PUM2: variants seen among roughly 807,000 people sequenced by gnomAD.
The protein encoded by PUM2 is pumilio homolog 2.
PUM2 carries 57 observed loss-of-function variants against 124.5 expected under a neutral mutation model. The observed-to-expected ratio is 0.46, with a 90% confidence interval of 0.37 to 0.57. The LOEUF is 0.57. Among genes scored for constraint, PUM2 ranks in the 20% least tolerant of loss-of-function variants. The pLI is 0.00. For missense variants in PUM2, 1,065 were observed against 1,290.6 expected, an observed-to-expected ratio of 0.83 and a Z score of 2.68; for synonymous variants, 460 against 446.1, an observed-to-expected ratio of 1.03 and a Z score of -0.39.
At chr2:20,258,426 A>G (rs956794470) in intron 15 of PUM2, 55 bp from the exon 16 acceptor site, 4 of 1,563,282 alleles carry the variant, frequency 2.6e-6, no homozygotes, top group Admixed American at 3.4e-5. Flanking sequence ...GCTTTGTTGA[A>G]CTTGAGTAAG....
intron 13 of PUM2, among the ~76,000 whole-genome samples, chr2:20,267,877 G>T (rs991013833): frequency 7.2e-5 from 11 of 152,274 alleles, no homozygotes; most frequent in African/African-American, 2.6e-4. Flanking sequence ...ACCCACACAA[G>T]AAACCAAAAA....
chr2:20,258,682 A>T, intron 15 of PUM2, among the ~76,000 whole-genome samples: 1 of 110,716 alleles, frequency 9.0e-6, no homozygotes, highest in Non-Finnish European at 1.7e-5. Flanking sequence ...TTTTGTTGAG[A>T]CGGAGTCTCG....
Position 20,281,573 on chromosome 2 carries a change from A to G in PUM2, c.1720+1374T>C, listed in dbSNP as rs549086006. 1.2e-4 allele frequency among the ~76,000 whole-genome samples: 19 copies of G among 152,292 alleles called. No homozygotes were observed. The South Asian group carries it at 3.9e-3, about 32-fold the overall frequency. On this transcript the variant is annotated intron_variant, in intron 12 of 20. Transcript: ENST00000361078. ...ACTTGTTCTTCCAGTTTTCCTCAGA[A>G]TATTTAGGATTCTTTGGAGAAAATG...
intron 1 of PUM2, among the ~76,000 whole-genome samples, chr2:20,329,716 A>T (rs1684495132): frequency 6.6e-6 from 1 of 152,186 alleles, no homozygotes; most frequent in South Asian, 2.1e-4. Context: ...CCATTTCTAC[A>T]GCTGGGCTTG....
chr2:20,350,532 A>G, intron 1 of PUM2, 65 bp downstream of exon 1: 1 of 985,546 alleles, frequency 1.0e-6, no homozygotes, highest in Non-Finnish European at 1.2e-6. Flanking sequence ...CGCCGCACAA[A>G]GCCTGGGGAG....
chr2:20,266,859 T>C (rs942358896), intron 13 of PUM2, among the ~76,000 whole-genome samples: 2 of 152,120 alleles, frequency 1.3e-5, no homozygotes, highest in African/African-American at 2.4e-5. Context: ...CTTATAAAGG[T>C]AATCAGTGTG....
chr2:20,338,088 C>T (rs1039851195), intron 1 of PUM2, among the ~76,000 whole-genome samples: 2 of 152,166 alleles, frequency 1.3e-5, no homozygotes, highest in Non-Finnish European at 2.9e-5. Flanking sequence ...AGCCATCACT[C>T]AAGCTAATGC....
intron 1 of PUM2, among the ~76,000 whole-genome samples, chr2:20,346,110 A>G (rs760065303): frequency 6.6e-6 from 1 of 152,194 alleles, no homozygotes; most frequent in Non-Finnish European, 1.5e-5. Context: ...AAAAAAAGTA[A>G]TAAATTACAC....
intron 14 of PUM2, among the ~76,000 whole-genome samples, chr2:20,261,323 G>A (rs1360355648): frequency 6.8e-6 from 1 of 146,976 alleles, no homozygotes; most frequent in Admixed American, 6.9e-5. Flanking sequence ...CCCAGGAGGC[G>A]GAGGAGGTTG....
rs757001180 is a variant in PUM2 at position 20,278,773 on chromosome 2, A to G, written c.1767T>C (p.Ser589=). The change falls in exon 13 of 21, where the codon TCT becomes TCC. Residue 589 remains serine (S), a synonymous_variant. Coordinates refer to ENST00000361078, the MANE Select transcript of PUM2 (RefSeq NM_015317.5). The part of the protein sequence containing the change: ...SSSATRRESL[S]TSSDLYKRSS... ...ATCTTTTGTACAAGTCAGAGCTAGTAGATAGAGACTCTCTCCTTGTGGCAC... is the reference window on the plus strand; with the variant it reads ...ATCTTTTGTACAAGTCAGAGCTAGTGGATAGAGACTCTCTCCTTGTGGCAC... 1 of 1,613,662 alleles carries G rather than the reference A, an allele frequency of 6.2e-7. No individual in the cohort carries two copies. The highest frequency in any genetic ancestry group is 8.5e-7 in the Non-Finnish European group (1 of 1,179,692).
intron 4 of PUM2, among the ~76,000 whole-genome samples, chr2:20,311,895 A>C (rs1397712610): frequency 2.0e-5 from 3 of 152,178 alleles, no homozygotes; most frequent in South Asian, 4.1e-4. Flanking sequence ...AAAGCAGTTA[A>C]CACCACAAAC....
At chr2:20,312,151 A>G in intron 4 of PUM2, 85 bp downstream of exon 4, 1 of 1,298,348 alleles carries the variant, frequency 7.7e-7, no homozygotes, top group Non-Finnish European at 1.0e-6. Context: ...AGGGCACAGA[A>G]AAACAAATTG....
At chr2:20,255,116 T>A (rs893742200) in intron 18 of PUM2, 100 bp downstream of exon 18, 11 of 1,470,982 alleles carry the variant, frequency 7.5e-6, no homozygotes, top group Admixed American at 3.8e-5. Flanking sequence ...TTTGTCTCAC[T>A]CTTGTCTATA....
At position 20,296,946 on chromosome 2, in the gene PUM2, C is replaced by T. The variant is rs529677376; in HGVS notation, c.1009+607G>A. ...ACTCTGTCACCCAGGCCAGGCGCTTCGGCATCCCAAAGAGCTAGGATTACA... is the reference window on the plus strand; with the variant it reads ...ACTCTGTCACCCAGGCCAGGCGCTTTGGCATCCCAAAGAGCTAGGATTACA... On this transcript the variant is annotated intron_variant, in intron 8 of 20. Transcript: ENST00000361078. 9.2e-5 allele frequency among the ~76,000 whole-genome samples: 14 copies of T among 152,190 alleles called. No individual in the cohort carries two copies. The South Asian group carries it at 2.9e-3, about 32-fold the overall frequency.
At chr2:20,270,921 T>G (rs1421139299) in intron 13 of PUM2, among the ~76,000 whole-genome samples, 3 of 152,138 alleles carry the variant, frequency 2.0e-5, no homozygotes, top group African/African-American at 7.2e-5. Context: ...GTGCTAATTT[T>G]GGTTCAAAAA....
rs1668595695 is a variant in PUM2 at position 20,269,751 on chromosome 2, C to T, written c.1958-6291G>A. On this transcript the variant is annotated intron_variant, in intron 13 of 20. Coordinates refer to ENST00000361078, the MANE Select transcript of PUM2 (RefSeq NM_015317.5). ...AATACAAAATAAAAATCTGTTGTTTCCGTTTCTATTGCTTGTGATTCTTTT... is the reference window on the plus strand; with the variant it reads ...AATACAAAATAAAAATCTGTTGTTTTCGTTTCTATTGCTTGTGATTCTTTT... 2.6e-5 allele frequency among the ~76,000 whole-genome samples: 4 copies of T among 152,128 alleles called. No individual in the cohort carries two copies. The South Asian group carries it at 8.3e-4, about 31-fold the overall frequency.
At chr2:20,278,006 A>G (rs2148824889) in intron 13 of PUM2, among the ~76,000 whole-genome samples, 1 of 152,268 alleles carries the variant, frequency 6.6e-6, no homozygotes, top group Admixed American at 6.5e-5. Context: ...AAAGTTCTCA[A>G]TGCTCCAACT....
chr2:20,266,744 T>TA (rs971793572), intron 13 of PUM2, among the ~76,000 whole-genome samples: 4 of 152,070 alleles, frequency 2.6e-5, no homozygotes, highest in African/African-American at 7.2e-5. Context: ...GTCAAGGTCA[T>TA]AAAAAACAGA....
At position 20,290,564 on chromosome 2, in the gene PUM2, C is replaced by T. The variant is rs148846100; in HGVS notation, c.1291+88G>A. ...TACAAGGTAGGCAAGATTTTAAATA[C>T]AGTTTGATTTTTTTCACTCTTCAGT... is the stretch of plus-strand genomic sequence containing the variant. On this transcript the variant is annotated intron_variant, in intron 10 of 20. Transcript: ENST00000361078. 4.5e-6 allele frequency: 6 copies of T among 1,336,694 alleles called. No homozygotes were observed. In the South Asian group the frequency reaches 5.1e-5, roughly 11 times the overall value. 82.8% of individuals were successfully genotyped at this position (1,336,694 alleles called of 1,614,324 possible). A position where few individuals can be genotyped will look rare whatever the true frequency, so the allele number is the denominator to read the frequency against.
Sources: allele counts gnomAD v4.1 joint callset (sites outside exome capture counted in the v4.1 genomes callset), GRCh38; gene constraint gnomAD v4.1.1; transcripts MANE v1.5; gene names NCBI Gene and HGNC (gene_info 2026-07-23, HGNC 2026-07-21).